Variants in EFL1 observed in about 807,000 individuals in gnomAD.
EFL1 encodes elongation factor like GTPase 1.
In EFL1, 76 loss-of-function variants were observed where a neutral mutation model predicts 126.7. The observed-to-expected ratio is 0.60, with a 90% CI of 0.50 to 0.73. The LOEUF is 0.73. Among genes scored for constraint, EFL1 ranks in the 30% least tolerant of loss-of-function variants. The pLI, the probability that EFL1 is intolerant of heterozygous loss-of-function variation, is 0.00. For missense variants in EFL1, 1,128 were observed against 1,343.2 expected (o/e 0.84, Z 2.50); for synonymous variants, 410 against 448.4 (o/e 0.91, Z 1.08).
chr15:82,223,548 G>A (rs1205463530), intron 12 of EFL1, among the ~76,000 whole-genome samples: 2 of 152,156 alleles, frequency 1.3e-5, no homozygotes, highest in African/African-American at 4.8e-5. Flanking sequence ...TTATTCATCA[G>A]CAAGAAATGA....
chr15:82,246,320 A>C (rs2074972496), intron 4 of EFL1, among the ~76,000 whole-genome samples: 2 of 152,118 alleles, frequency 1.3e-5, no homozygotes, highest in Non-Finnish European at 2.9e-5. Flanking sequence ...TAAGAACCAG[A>C]ATAAGAAACC....
intron 18 of EFL1, among the ~76,000 whole-genome samples, chr15:82,151,259 G>C (rs915310044): frequency 6.6e-5 from 10 of 152,096 alleles, no homozygotes; most frequent in African/African-American, 2.4e-4. Flanking sequence ...ATGGTGGTGT[G>C]TGCCTGTAGT....
intron 4 of EFL1, 128 bp from the exon 5 acceptor site, chr15:82,241,531 C>A: frequency 8.5e-7 from 1 of 1,182,188 alleles, no homozygotes; most frequent in Non-Finnish European, 1.1e-6. Flanking sequence ...GAGTTGAAAG[C>A]TCAATCCAGA....
At chr15:82,191,454 A>G (rs1304371710) in intron 15 of EFL1, among the ~76,000 whole-genome samples, 1 of 152,214 alleles carries the variant, frequency 6.6e-6, no homozygotes, top group Non-Finnish European at 1.5e-5. Flanking sequence ...TGCACGGATC[A>G]AATACTATAG....
intron 2 of EFL1, among the ~76,000 whole-genome samples, chr15:82,261,167 C>T (rs2075112060): frequency 6.6e-6 from 1 of 152,060 alleles, no homozygotes; most frequent in Admixed American, 6.6e-5. Context: ...TTTCCTAACC[C>T]CTCACTTCCT....
intron 16 of EFL1, chr15:82,160,098 C>T (rs1053589626): frequency 6.6e-6 from 1 of 152,242 alleles, no homozygotes; most frequent in African/African-American, 2.4e-5. Context: ...GTGTGACCAA[C>T]AGAACACTGT....
chr15:82,164,364 T>A (rs2074055842), intron 15 of EFL1, among the ~76,000 whole-genome samples: 1 of 152,192 alleles, frequency 6.6e-6, no homozygotes, highest in South Asian at 2.1e-4. Flanking sequence ...ACTGAAATAA[T>A]CTTCTGCCAA....
chr15:82,151,742 T>A lies in EFL1; in HGVS notation c.2712A>T (p.Glu904Asp), dbSNP rs779306331. ...LEKWDLSKFE[E>D]QGASDLAKEG... The stretch of plus-strand genomic sequence containing the variant: ...CTTTTGCCAGATCACTTGCTCCTTG[T>A]TCCTCAAATTTACTTAGGTCCCATT... The change falls in exon 18 of 20, where the codon GAA (glutamate) becomes GAT (aspartate). Residue 904 changes from glutamate (E) to aspartate (D), a missense_variant. By Grantham distance (45) the Glu-to-Asp change is conservative (BLOSUM62 2). Around this residue, in one of 6 missense-constraint regions of EFL1, gnomAD observed 561 missense variants for 641.7 expected, o/e 0.87. Transcript: ENST00000268206. 6.8e-6 allele frequency: 11 copies of A among 1,614,020 alleles called. No homozygotes were observed. In the Admixed American group the frequency reaches 1.8e-4, roughly 27 times the overall value.
intron 4 of EFL1, among the ~76,000 whole-genome samples, chr15:82,249,034 G>T (rs968332234): frequency 1.3e-5 from 2 of 152,032 alleles, no homozygotes; most frequent in Non-Finnish European, 2.9e-5. Flanking sequence ...CATACAACTT[G>T]CATTAAATAT....
chr15:82,248,470 C>A (rs1286886032), intron 4 of EFL1, among the ~76,000 whole-genome samples: 1 of 152,240 alleles, frequency 6.6e-6, no homozygotes, highest in African/African-American at 2.4e-5. Context: ...GCCTAGTCTT[C>A]GGAGTATAAA....
At chr15:82,145,038 T>C (rs1340921461) in intron 18 of EFL1, among the ~76,000 whole-genome samples, 1 of 150,732 alleles carries the variant, frequency 6.6e-6, no homozygotes, top group Admixed American at 6.6e-5. Flanking sequence ...GCACGGTGGC[T>C]CACGTCTGTA....
chr15:82,130,777 T>A (rs2073632573), intron 19 of EFL1, among the ~76,000 whole-genome samples: 1 of 152,134 alleles, frequency 6.6e-6, no homozygotes, highest in Non-Finnish European at 1.5e-5. Flanking sequence ...GCAGGTGGAT[T>A]GCCTGAGCTC....
At chr15:82,205,341 C>G (rs1378060734) in intron 15 of EFL1, among the ~76,000 whole-genome samples, 3 of 152,210 alleles carry the variant, frequency 2.0e-5, no homozygotes, top group African/African-American at 4.8e-5. Context: ...CTTTTCCATG[C>G]ATCTACCAGT....
At chr15:82,223,633 C>G (rs2074733846) in intron 12 of EFL1, among the ~76,000 whole-genome samples, 1 of 152,172 alleles carries the variant, frequency 6.6e-6, no homozygotes, top group South Asian at 2.1e-4. Context: ...TTTTCCAATT[C>G]TCTGATATTC....
At chr15:82,169,038 C>T (rs1165272807) in intron 15 of EFL1, among the ~76,000 whole-genome samples, 1 of 152,046 alleles carries the variant, frequency 6.6e-6, no homozygotes, top group Non-Finnish European at 1.5e-5. Flanking sequence ...AAGAAAGGAT[C>T]CTGAGACAGC....
intron 15 of EFL1, among the ~76,000 whole-genome samples, chr15:82,177,754 T>A (rs1441041709): frequency 6.6e-6 from 1 of 152,134 alleles, no homozygotes; most frequent in Non-Finnish European, 1.5e-5. Context: ...CCCAAAGAAT[T>A]TTCAAGTGTC....
At chr15:82,248,830 G>A (rs1443390593) in intron 4 of EFL1, among the ~76,000 whole-genome samples, 4 of 149,990 alleles carry the variant, frequency 2.7e-5, no homozygotes, top group South Asian at 2.1e-4. Flanking sequence ...AGATTTTACC[G>A]AAAATCCTGA....
At chr15:82,259,062 C>A in intron 3 of EFL1, 26 bp downstream of exon 3, 4 of 1,597,408 alleles carry the variant, frequency 2.5e-6, no homozygotes, top group South Asian at 2.2e-5. Flanking sequence ...TGAAATGCAA[C>A]AAGTATTTAT....
At chr15:82,157,915 A>G (rs1047735497) in intron 16 of EFL1, 55 bp from the exon 17 acceptor site, 23 of 1,534,604 alleles carry the variant, frequency 1.5e-5, no homozygotes, top group Admixed American at 1.3e-4. Context: ...ACACAATTCA[A>G]AGACAATGGC....
Sources: allele counts gnomAD v4.1 joint callset (sites outside exome capture counted in the v4.1 genomes callset), GRCh38; gene constraint gnomAD v4.1.1; regional missense constraint gnomAD v4.1.1; transcripts MANE v1.5; gene names NCBI Gene and HGNC (gene_info 2026-07-23, HGNC 2026-07-21).